Variants in PRKCZ observed in about 807,000 individuals in gnomAD.
The protein encoded by PRKCZ is protein kinase C zeta type.
A neutral mutation model predicts 79.5 loss-of-function variants in PRKCZ; 33 were observed. That is an observed-to-expected ratio of 0.41 (90% confidence interval 0.31 to 0.55). The LOEUF (loss-of-function observed/expected upper bound fraction) is 0.55. Ranked by LOEUF, PRKCZ falls within the 20% of genes least tolerant of loss-of-function variation. The pLI, the probability that PRKCZ is intolerant of heterozygous loss-of-function variation, is 0.19. For missense variants in PRKCZ, 578 were observed against 813.5 expected (o/e 0.71, Z 3.52); for synonymous variants, 342 against 320.9 (o/e 1.07, Z -0.70).
chr1:2,048,943 A>T (rs1299634133), upstream of PRKCZ, among the ~76,000 whole-genome samples: 1 of 152,204 alleles, frequency 6.6e-6, no homozygotes, highest in Non-Finnish European at 1.5e-5. Context: ...AGGCAGGTGG[A>T]TCACCTGAGG....
intron 16 of PRKCZ, among the ~76,000 whole-genome samples, chr1:2,180,163 C>G (rs117495732): frequency 6.6e-6 from 1 of 152,226 alleles, no homozygotes; most frequent in East Asian, 1.9e-4. Flanking sequence ...CAGCAGTGCC[C>G]TGGCCTGGCC....
intron 4 of PRKCZ, among the ~76,000 whole-genome samples, chr1:2,088,699 A>G (rs1283133566): frequency 1.3e-5 from 2 of 152,126 alleles, no homozygotes; most frequent in African/African-American, 2.4e-5. Context: ...AACCCAGGTC[A>G]TGTGTGCACA....
intron 4 of PRKCZ, among the ~76,000 whole-genome samples, chr1:2,104,113 G>A (rs901816580): frequency 9.9e-5 from 15 of 152,026 alleles, no homozygotes; most frequent in African/African-American, 2.9e-4. Flanking sequence ...TCTTGAGCGC[G>A]CCTGTAAGGA....
chr1:2,081,212 T>C (rs1029803343), intron 4 of PRKCZ, among the ~76,000 whole-genome samples: 15 of 152,234 alleles, frequency 9.9e-5, no homozygotes, highest in African/African-American at 3.4e-4. Context: ...TTTCTGTTCA[T>C]GTGGACTCGC....
chr1:2,139,730 C>G (rs1389596202), intron 5 of PRKCZ, among the ~76,000 whole-genome samples: 1 of 152,214 alleles, frequency 6.6e-6, no homozygotes, highest in Non-Finnish European at 1.5e-5. Flanking sequence ...CAGCGATGTT[C>G]CCATCCTGCC....
chr1:2,118,333 A>G (rs1226083682), intron 4 of PRKCZ, among the ~76,000 whole-genome samples: 1 of 120,960 alleles, frequency 8.3e-6, no homozygotes, highest in Non-Finnish European at 1.6e-5. Context: ...ATCATCATGA[A>G]ATGTTTTTGT....
At chr1:2,147,467 C>CG (rs367911278) in intron 7 of PRKCZ, among the ~76,000 whole-genome samples, 1 of 151,076 alleles carries the variant, frequency 6.6e-6, no homozygotes, top group African/African-American at 2.4e-5. Context: ...TGTCCACTGA[C>CG]GTCTCCATCT....
intron 16 of PRKCZ, chr1:2,184,316 G>A (rs1394066944): frequency 2.0e-5 from 8 of 391,330 alleles, no homozygotes; most frequent in Admixed American, 2.0e-4. Context: ...GGGTGGCCTC[G>A]CATGGGTGGC....
chr1:2,052,005 T>A (rs2102188481), intron 1 of PRKCZ, among the ~76,000 whole-genome samples: 1 of 152,292 alleles, frequency 6.6e-6, no homozygotes, highest in Admixed American at 6.5e-5. Flanking sequence ...CAGCCATGTC[T>A]TTTGGCCTGG....
rs540139164 is a variant in PRKCZ at position 2,175,870 on chromosome 1, G to A, written c.1575+557G>A. On this transcript the variant is annotated intron_variant, in intron 16 of 17. Transcript: ENST00000378567. ...TGGCTTGGTGCCGCCAGGAGCTAGC[G>A]GCACATGCGTCCTGACCTGTGAGCA... 7.2e-5 allele frequency among the ~76,000 whole-genome samples: 11 copies of A among 152,244 alleles called. 1 individual carries two copies. The South Asian group carries it at 1.7e-3, about 23-fold the overall frequency.
chr1:2,053,248 C>T (rs1659854553), intron 1 of PRKCZ, among the ~76,000 whole-genome samples: 2 of 152,068 alleles, frequency 1.3e-5, no homozygotes, highest in Non-Finnish European at 2.9e-5. Context: ...CTACAGACGC[C>T]CGCCACCACG....
chr1:2,083,677 G>A (rs946079075), intron 4 of PRKCZ, among the ~76,000 whole-genome samples: 1 of 151,936 alleles, frequency 6.6e-6, no homozygotes, highest in African/African-American at 2.4e-5. Context: ...AGGAGGCTTG[G>A]GGTGAATTCC....
At position 2,144,593 on chromosome 1, in the gene PRKCZ, T is replaced by G. The variant is rs1678106003; in HGVS notation, c.552+252T>G. 4 of 1,348,386 alleles carry G rather than the reference T, an allele frequency of 3.0e-6. No homozygotes were observed. In the African/African-American group the frequency reaches 5.9e-5, roughly 20 times the overall value. 83.5% of individuals were successfully genotyped at this position (1,348,386 alleles called of 1,614,324 possible). A position where few individuals can be genotyped will look rare whatever the true frequency, so the allele number is the denominator to read the frequency against. On this transcript the variant is annotated intron_variant, in intron 6 of 17. Coordinates refer to ENST00000378567, the MANE Select transcript of PRKCZ (RefSeq NM_002744.6). Reference sequence around the variant, plus strand: ...TCAGGCAGCAGGCTCAGGTAGGACGTGGTACGCTCTGCTCAGTGGGTCGGA... The same window carrying G: ...TCAGGCAGCAGGCTCAGGTAGGACGGGGTACGCTCTGCTCAGTGGGTCGGA...
intron 5 of PRKCZ, chr1:2,143,478 A>T (rs1677828218): frequency 6.6e-6 from 1 of 152,264 alleles, no homozygotes; most frequent in East Asian, 1.9e-4. Context: ...GACAGTGCAG[A>T]TGCACCCCTT....
At chr1:2,155,897 A>G in intron 9 of PRKCZ, 98 bp from the exon 10 acceptor site, 1 of 1,018,020 alleles carries the variant, frequency 9.8e-7, no homozygotes, top group Non-Finnish European at 1.5e-6. Flanking sequence ...TCTTCCTGAA[A>G]GCGGAGGAAA....
Position 2,173,926 on chromosome 1 carries a change from G to T in PRKCZ, c.1315G>T (p.Val439Phe). The change falls in exon 14 of 18, where the codon GTC becomes TTC. Residue 439 changes from valine to phenylalanine, a missense_variant. By Grantham distance (50) the Val-to-Phe change is conservative. Transcript: ENST00000378567. This position sits in a 1 kb window ranked among gnomAD's most constrained non-coding sequence, Gnocchi z 5.7. ...CAGCGTGGACTGGTGGGCGCTGGGA[G>T]TCCTCATGTTTGAGATGATGGCCGG... is the stretch of plus-strand genomic sequence containing the variant. Reference protein sequence around the residue: ...GFSVDWWALGVLMFEMMAGRS... With the variant: ...GFSVDWWALGFLMFEMMAGRS... The T allele has an allele frequency of 6.2e-7, 1 of 1,612,560 alleles. No individual in the cohort carries two copies. Among genetic ancestry groups the T allele is most frequent in the Non-Finnish European group, 8.5e-7 (1 of 1,179,336 alleles).
At position 2,075,367 on chromosome 1, in the gene PRKCZ, T is replaced by A. The variant is rs1210217673; in HGVS notation, c.334+15776T>A. ...GAGCGGTTACTGGCTTTTGGTCTGA[T>A]GGCCCTCGGTGGGTGAGTCAGAGCT... On this transcript the variant is annotated intron_variant, in intron 4 of 17. Coordinates refer to ENST00000378567, the MANE Select transcript of PRKCZ (RefSeq NM_002744.6). This position sits in a 1 kb window ranked among gnomAD's most constrained non-coding sequence, Gnocchi z 4.8. 1 of 152,272 alleles carries A rather than the reference T, an allele frequency of 6.6e-6. No individual in the cohort carries two copies. Among genetic ancestry groups the A allele is most frequent in the Non-Finnish European group, 1.5e-5 (1 of 68,112 alleles). 9.4% of individuals were successfully genotyped at this position (152,272 alleles called of 1,614,324 possible). A position where few individuals can be genotyped will look rare whatever the true frequency, so the allele number is the denominator to read the frequency against.
In PRKCZ at chr1:2,151,483, G is replaced by C. The variant is rs539882027; in HGVS notation, c.876+505G>C. ...GTTAGGAAATCTCTGGGGTTGAGCT[G>C]AACTGGACGGGTGATGGGGTGGGAC... is the stretch of plus-strand genomic sequence containing the variant. On this transcript the variant is annotated intron_variant, in intron 9 of 17. Coordinates refer to ENST00000378567, the MANE Select transcript of PRKCZ (RefSeq NM_002744.6). 6.0e-4 allele frequency among the ~76,000 whole-genome samples: 91 copies of C among 152,352 alleles called. 1 individual carries two copies. The highest frequency in any genetic ancestry group is 2.0e-3 in the African/African-American group (85 of 41,594).
rs138959259 is a variant in PRKCZ, at chr1:2,156,241, G to A, written c.974+149G>A. ...TTCAGGCCAGCAGACTCTCTTTGTT[G>A]TTCTCCTTGGTTGGTGTCATATTAA... is the stretch of plus-strand genomic sequence containing the variant. On this transcript the variant is annotated intron_variant, in intron 10 of 17. Coordinates refer to ENST00000378567, the MANE Select transcript of PRKCZ (RefSeq NM_002744.6). 1.0e-4 allele frequency: 66 copies of A among 648,638 alleles called. No individual in the cohort carries two copies. The African/African-American group carries it at 1.1e-3, about 11-fold the overall frequency. 40.2% of individuals were successfully genotyped at this position (648,638 alleles called of 1,614,324 possible).
Sources: gnomAD v4.1 joint callset for allele counts (sites outside exome capture counted in the v4.1 genomes callset) on GRCh38, gnomAD v4.1.1 for gene constraint, Gnocchi (gnomAD v3.1) non-coding constraint, MANE v1.5 for transcripts, NCBI Gene and HGNC (gene_info 2026-07-23, HGNC 2026-07-21) for gene names.